The following GABRB2 variants were observed in gnomAD, a reference collection of about 807,000 sequenced individuals.
GABRB2 encodes gamma-aminobutyric acid receptor subunit beta-2.
GABRB2 carries 16 observed loss-of-function variants against 54.7 expected under a neutral mutation model. The observed-to-expected ratio is 0.29, with a 90% CI of 0.20 to 0.44. The LOEUF (loss-of-function observed/expected upper bound fraction) is 0.44, where lower values mean the gene tolerates loss of function less well. Among genes scored for constraint, GABRB2 ranks in the 20% least tolerant of loss-of-function variants. The pLI, the probability that GABRB2 is intolerant of heterozygous loss-of-function variation, is 1.00. For missense variants in GABRB2, 355 were observed against 644.0 expected, an observed-to-expected ratio of 0.55 and a Z score of 4.86; for synonymous variants, 244 against 233.8, an observed-to-expected ratio of 1.04 and a Z score of -0.40.
chr5:161,430,997 G>A (rs780253623), intron 4 of GABRB2, among the ~76,000 whole-genome samples: 1 of 152,130 alleles, frequency 6.6e-6, no homozygotes, highest in Non-Finnish European at 1.5e-5. Context: ...ATAGAACAGG[G>A]AAGTTCTCCT....
intron 3 of GABRB2, among the ~76,000 whole-genome samples, chr5:161,479,545 T>A (rs1758691650): frequency 6.6e-6 from 1 of 151,956 alleles, no homozygotes; most frequent in African/African-American, 2.4e-5. Context: ...AAAATTTAAG[T>A]TGCTCAAAAT....
intron 3 of GABRB2, among the ~76,000 whole-genome samples, chr5:161,540,019 C>T (rs1760763523): frequency 1.3e-5 from 2 of 152,162 alleles, no homozygotes; most frequent in South Asian, 4.1e-4. Context: ...GGTTGCTAAA[C>T]GCTGGCGTGG....
At chr5:161,304,118 G>A (rs552390865) in intron 9 of GABRB2, among the ~76,000 whole-genome samples, 5 of 152,246 alleles carry the variant, frequency 3.3e-5, no homozygotes, top group African/African-American at 9.6e-5. Context: ...ATATAAGAAC[G>A]TGAAGCAGGT....
intron 3 of GABRB2, among the ~76,000 whole-genome samples, chr5:161,485,511 C>T (rs571029449): frequency 6.6e-6 from 1 of 151,922 alleles, no homozygotes; most frequent in Non-Finnish European, 1.5e-5. Flanking sequence ...AAACTCTGCC[C>T]TGACCTCTAC....
intron 3 of GABRB2, among the ~76,000 whole-genome samples, chr5:161,506,656 T>C (rs1233102658): frequency 6.6e-6 from 1 of 152,044 alleles, no homozygotes; most frequent in Non-Finnish European, 1.5e-5. Flanking sequence ...AATTATAAAA[T>C]AGTTATTATG....
intron 9 of GABRB2, among the ~76,000 whole-genome samples, chr5:161,318,186 T>C (rs1758100308): frequency 6.6e-6 from 1 of 151,984 alleles, no homozygotes; most frequent in Non-Finnish European, 1.5e-5. Flanking sequence ...ATTTATCTGA[T>C]AAGATTGGTA....
At position 161,463,152 on chromosome 5, in the gene GABRB2, T is replaced by A. The variant is rs887760672; in HGVS notation, c.238-3308A>T. ...GGTTATTTCTTCCACGAATTACAAC[T>A]AAAAATTCTGGACGAAATAAAACCA... On this transcript the variant is annotated intron_variant, in intron 3 of 9. Transcript: ENST00000393959. 4.0e-5 allele frequency among the ~76,000 whole-genome samples: 6 copies of A among 151,874 alleles called. No individual in the cohort carries two copies. The East Asian group carries it at 9.7e-4, about 25-fold the overall frequency.
At chr5:161,373,036 C>T (rs1305457787) in intron 5 of GABRB2, among the ~76,000 whole-genome samples, 2 of 152,114 alleles carry the variant, frequency 1.3e-5, no homozygotes, top group Non-Finnish European at 2.9e-5. Flanking sequence ...TCAAGTATTC[C>T]AAAGCAACAC....
chr5:161,523,876 A>G (rs1321376640), intron 3 of GABRB2, among the ~76,000 whole-genome samples: 1 of 151,388 alleles, frequency 6.6e-6, no homozygotes, highest in South Asian at 2.1e-4. Context: ...CTGAGTAGAT[A>G]CTGAAAGTCG....
chr5:161,397,452 T>C (rs955229115), intron 5 of GABRB2, among the ~76,000 whole-genome samples: 8 of 152,270 alleles, frequency 5.3e-5, no homozygotes, highest in Admixed American at 2.6e-4. Flanking sequence ...TAAATAACCA[T>C]AATAAATATT....
intron 9 of GABRB2, among the ~76,000 whole-genome samples, chr5:161,323,298 C>T (rs1299068716): frequency 4.6e-5 from 7 of 152,216 alleles, no homozygotes; most frequent in Non-Finnish European, 1.0e-4. Flanking sequence ...GCTGGGATTA[C>T]AGGCGTGAGC....
At position 161,293,701 on chromosome 5, in the gene GABRB2, G is replaced by A. The variant is rs559898394; in HGVS notation, c.*380C>T. ...GACAATGCCATCTCAACAGCATGCC[G>A]ACCTTAAAAAGGAAGATGAGGAGTA... On this transcript the variant is annotated 3_prime_UTR_variant, in exon 10 of 10. Coordinates refer to ENST00000393959, the MANE Select transcript of GABRB2 (RefSeq NM_001371727.1). The A allele has an allele frequency of 2.6e-4, 48 of 182,208 alleles. 1 individual carries two copies. Among genetic ancestry groups the A allele is most frequent in the Non-Finnish European group, 4.9e-4 (42 of 86,290 alleles). The allele number at this position is 182,208 out of a possible 1,614,324, so 11.3% of individuals were successfully genotyped here. A position where few individuals can be genotyped will look rare whatever the true frequency, so the allele number is the denominator to read the frequency against.
At chr5:161,363,426 C>T (rs2421924) in intron 5 of GABRB2, among the ~76,000 whole-genome samples, 139,834 of 152,240 alleles carry the variant, frequency 0.92, 64,321 homozygotes, top group East Asian at 0.98. Flanking sequence ...ATACCTAATG[C>T]AGATGACGGG....
intron 3 of GABRB2, among the ~76,000 whole-genome samples, chr5:161,502,011 T>C (rs1364166233): frequency 6.7e-6 from 1 of 148,994 alleles, no homozygotes; most frequent in Non-Finnish European, 1.5e-5. Context: ...CATGAATTTA[T>C]TTTATATTTA....
upstream of GABRB2, chr5:161,546,785 G>C (rs1761000721): frequency 2.8e-6 from 4 of 1,416,418 alleles, no homozygotes; most frequent in South Asian, 1.6e-5. Flanking sequence ...GCCGGGGACC[G>C]AGCAGATTTC....
chr5:161,408,476 C>A (rs576250132), intron 5 of GABRB2, among the ~76,000 whole-genome samples: 1 of 152,054 alleles, frequency 6.6e-6, no homozygotes, highest in Non-Finnish European at 1.5e-5. Flanking sequence ...TGTTCAATAA[C>A]AATTTAATGA....
intron 5 of GABRB2, among the ~76,000 whole-genome samples, chr5:161,341,658 T>A (rs1336980038): frequency 1.3e-5 from 2 of 151,646 alleles, no homozygotes; most frequent in Non-Finnish European, 2.9e-5. Context: ...ATGTATTATA[T>A]GTGATCTAAG....
At chr5:161,542,624 G>A (rs1031695978) in intron 3 of GABRB2, among the ~76,000 whole-genome samples, 1 of 152,124 alleles carries the variant, frequency 6.6e-6, no homozygotes, top group Non-Finnish European at 1.5e-5. Flanking sequence ...ACATTTATTT[G>A]TCCAGTACAA....
At chr5:161,483,228 T>C (rs1208403972) in intron 3 of GABRB2, among the ~76,000 whole-genome samples, 2 of 152,020 alleles carry the variant, frequency 1.3e-5, no homozygotes, top group Non-Finnish European at 2.9e-5. Flanking sequence ...CAACCTTTTA[T>C]AATTTATAAT....
Sources: gnomAD v4.1 joint callset for allele counts (sites outside exome capture counted in the v4.1 genomes callset) on GRCh38, gnomAD v4.1.1 for gene constraint, MANE v1.5 for transcripts, NCBI Gene and HGNC (gene_info 2026-07-23, HGNC 2026-07-21) for gene names.